The following RAB1A variants were observed in gnomAD, a reference collection of about 807,000 sequenced individuals.
RAB1A encodes RAB1A, member RAS oncogene family.
Under a neutral mutation model 26.0 loss-of-function variants are expected in RAB1A, and 2 were observed. The observed-to-expected ratio is 0.08, with a 90% confidence interval of 0.03 to 0.24. The LOEUF is 0.24. Among genes scored for constraint, RAB1A ranks in the 10% least tolerant of loss-of-function variants. The probability of loss-of-function intolerance (pLI) is 1.00; values close to 1 mark genes in which losing one functional copy is unlikely to be tolerated. For missense variants in RAB1A, 100 were observed against 247.0 expected, an observed-to-expected ratio of 0.40 and a Z score of 3.99; for synonymous variants, 84 against 84.9, an observed-to-expected ratio of 0.99 and a Z score of 0.06.
intron 1 of RAB1A, among the ~76,000 whole-genome samples, chr2:65,118,747 G>A (rs903077001): frequency 6.6e-6 from 1 of 152,146 alleles, no homozygotes; most frequent in Non-Finnish European, 1.5e-5. Context: ...CAAAGTGCTA[G>A]GACTACAGGC....
At position 65,088,201 on chromosome 2, in the gene RAB1A, T is replaced by C; in HGVS notation, c.*292A>G. 1 of 290,966 alleles carries C rather than the reference T, an allele frequency of 3.4e-6. No individual in the cohort carries two copies. The allele number at this position is 290,966 out of a possible 1,614,324, so 18.0% of individuals were successfully genotyped here. ...ATATAAACATCAAAACAAAATATAT[T>C]CTAACCAACCACGGGAAACAGTCTG... On this transcript the variant is annotated 3_prime_UTR_variant, in exon 6 of 6. Coordinates refer to ENST00000409784, the MANE Select transcript of RAB1A (RefSeq NM_004161.5).
At chr2:65,118,700 A>C (rs1196094078) in intron 1 of RAB1A, among the ~76,000 whole-genome samples, 3 of 151,114 alleles carry the variant, frequency 2.0e-5, no homozygotes, top group Non-Finnish European at 4.4e-5. Flanking sequence ...CTGGTCTTGA[A>C]CTCCTGAGCT....
intron 1 of RAB1A, among the ~76,000 whole-genome samples, chr2:65,107,588 A>C (rs888285511): frequency 2.0e-5 from 3 of 151,924 alleles, no homozygotes; most frequent in African/African-American, 7.3e-5. Flanking sequence ...CAGGTGTTCA[A>C]GTGATTCTCA....
At chr2:65,103,646 T>G (rs1367611188) in intron 2 of RAB1A, among the ~76,000 whole-genome samples, 1 of 152,218 alleles carries the variant, frequency 6.6e-6, no homozygotes, top group African/African-American at 2.4e-5. Flanking sequence ...TTACAAATAC[T>G]AACATCTTAG....
At chr2:65,093,398 G>GTA (rs1398858784) in intron 3 of RAB1A, among the ~76,000 whole-genome samples, 1 of 152,094 alleles carries the variant, frequency 6.6e-6, no homozygotes, top group East Asian at 1.9e-4. Context: ...CTTCCATGGT[G>GTA]TACAACTGGA....
At chr2:65,091,386 T>C (rs189048213) in intron 3 of RAB1A, among the ~76,000 whole-genome samples, 2 of 152,328 alleles carry the variant, frequency 1.3e-5, no homozygotes, top group Non-Finnish European at 2.9e-5. Context: ...GGAATGCCAC[T>C]GGCCGAAAGC....
intron 3 of RAB1A, among the ~76,000 whole-genome samples, chr2:65,095,127 GAAA>G (rs953028784): frequency 6.6e-6 from 1 of 151,518 alleles, no homozygotes; most frequent in Non-Finnish European, 1.5e-5. Flanking sequence ...TCAGAAAAAA[GAAA>G]AAAAGAAGAA....
In RAB1A at chr2:65,106,663, A is replaced by G. The variant is rs1198438909; in HGVS notation, c.24-1857T>C. 1.4e-5 allele frequency among the ~76,000 whole-genome samples: 2 copies of G among 147,992 alleles called. 1 individual carries two copies. The highest frequency in any genetic ancestry group is 3.0e-5 in the Non-Finnish European group (2 of 67,186). On this transcript the variant is annotated intron_variant, in intron 1 of 5. Coordinates refer to ENST00000409784, the MANE Select transcript of RAB1A (RefSeq NM_004161.5). The stretch of plus-strand genomic sequence containing the variant: ...TCAGAGAAGGAAACAAAAATCTTCT[A>G]AACAAGTAAATCAGAAGAGGGGACT...
chr2:65,114,938 T>C (rs1391987534), intron 1 of RAB1A, among the ~76,000 whole-genome samples: 2 of 151,962 alleles, frequency 1.3e-5, no homozygotes, highest in Non-Finnish European at 2.9e-5. Flanking sequence ...CCCTCATGAA[T>C]GGATTAATGC....
At chr2:65,098,198 T>A (rs1669335129) in intron 2 of RAB1A, 132 bp from the exon 3 acceptor site, 3 of 513,972 alleles carry the variant, frequency 5.8e-6, no homozygotes, top group Non-Finnish European at 1.0e-5. Context: ...TCCAAATTTA[T>A]GAATGAAATG....
intron 2 of RAB1A, among the ~76,000 whole-genome samples, chr2:65,104,355 G>A (rs577544802): frequency 1.1e-4 from 16 of 152,170 alleles, no homozygotes; most frequent in African/African-American, 2.9e-4. Context: ...GATCCACTGC[G>A]TCACCTGGCT....
Position 65,110,374 on chromosome 2 carries a change from G to A in RAB1A, c.24-5568C>T, listed in dbSNP as rs1037579189. On this transcript the variant is annotated intron_variant, in intron 1 of 5. Coordinates refer to ENST00000409784, the MANE Select transcript of RAB1A (RefSeq NM_004161.5). Reference sequence around the variant, plus strand: ...GAGAATCGCTTGAACCCGGGAGGTGGAGGTTGCAGTGAGAAGAGATGGCGC... The same window carrying A: ...GAGAATCGCTTGAACCCGGGAGGTGAAGGTTGCAGTGAGAAGAGATGGCGC... Among the ~76,000 whole-genome samples, 49 of 150,270 alleles carry A rather than the reference G, an allele frequency of 3.3e-4. No homozygotes were observed. In the Admixed American group the frequency reaches 3.3e-3, roughly 10 times the overall value.
Position 65,088,343 on chromosome 2 carries a change from A to C in RAB1A, c.*150T>G, listed in dbSNP as rs1051076490. 2 of 617,168 alleles carry C rather than the reference A, an allele frequency of 3.2e-6. No homozygotes were observed. Among genetic ancestry groups the C allele is most frequent in the Non-Finnish European group, 5.3e-6 (2 of 374,666 alleles). The allele number at this position is 617,168 out of a possible 1,614,324, so 38.2% of individuals were successfully genotyped here. On this transcript the variant is annotated 3_prime_UTR_variant, in exon 6 of 6. Coordinates refer to ENST00000409784, the MANE Select transcript of RAB1A (RefSeq NM_004161.5). ...GAGTCAAGGGAATAAAAAAAAAGTC[A>C]GTATTGACCATTTACAATCTCTGAC...
chr2:65,129,286 G>A (rs1479206119), intron 1 of RAB1A, among the ~76,000 whole-genome samples: 2 of 150,740 alleles, frequency 1.3e-5, no homozygotes, highest in Non-Finnish European at 2.9e-5. Flanking sequence ...ACTCCTCCAA[G>A]ACACAACTCA....
intron 1 of RAB1A, among the ~76,000 whole-genome samples, chr2:65,111,390 A>C (rs1484505602): frequency 1.3e-5 from 2 of 152,072 alleles, no homozygotes; most frequent in African/African-American, 4.8e-5. Flanking sequence ...CATCAGACAA[A>C]TACAAACTGA....
intron 2 of RAB1A, among the ~76,000 whole-genome samples, chr2:65,101,742 CTTTTTTTTT>C (rs71401771): frequency 4.2e-5 from 3 of 70,662 alleles, no homozygotes; most frequent in African/African-American, 2.0e-4. Flanking sequence ...GTATTACTTC[CTTTTTTTTT>C]TTTTTTTTTT....
chr2:65,097,506 G>A (rs765073136), intron 3 of RAB1A, among the ~76,000 whole-genome samples: 3 of 152,180 alleles, frequency 2.0e-5, no homozygotes, highest in Non-Finnish European at 4.4e-5. Context: ...AAAATTCTGT[G>A]TTTCTACAGA....
chr2:65,119,559 TCAAAAAAAAACAAAAAAACAAAAA>T (rs1212183292), intron 1 of RAB1A, among the ~76,000 whole-genome samples: 1 of 66,542 alleles, frequency 1.5e-5, no homozygotes, highest in African/African-American at 7.6e-5. Context: ...AGACTCTGTC[TCAAAAAAAAACAAAAAAACAAAAA>T]CAAAAAAAAA....
intron 5 of RAB1A, 62 bp from the exon 6 acceptor site, chr2:65,088,752 T>G (rs1181105801): frequency 1.4e-6 from 2 of 1,407,944 alleles, no homozygotes; most frequent in Middle Eastern, 1.8e-4. Context: ...CTTAGTGCAT[T>G]TCTACCATCC....
Sources: allele counts gnomAD v4.1 joint callset (sites outside exome capture counted in the v4.1 genomes callset), GRCh38; gene constraint gnomAD v4.1.1; transcripts MANE v1.5; gene names NCBI Gene and HGNC (gene_info 2026-07-23, HGNC 2026-07-21).